Variants in ASCC3 observed in about 807,000 individuals in gnomAD.
ASCC3 encodes the protein ASC-1 complex subunit P200.
A neutral mutation model predicts 256.3 loss-of-function variants in ASCC3; 158 were observed. That is an observed-to-expected ratio of 0.62 (90% CI 0.54 to 0.70). The LOEUF (loss-of-function observed/expected upper bound fraction) is 0.70, where lower values mean the gene tolerates loss of function less well. ASCC3 is among the 30% of genes least tolerant of loss of function. The pLI is 0.00. For synonymous variants in ASCC3, 948 were observed against 883.4 expected, an observed-to-expected ratio of 1.07 and a Z score of -1.30; for missense variants, 2,259 against 2,626.0, an observed-to-expected ratio of 0.86 and a Z score of 3.05.
At chr6:100,840,015 A>C (rs896560752) in intron 4 of ASCC3, among the ~76,000 whole-genome samples, 1 of 152,238 alleles carries the variant, frequency 6.6e-6, no homozygotes, top group East Asian at 1.9e-4. Flanking sequence ...GTCAGCTAAA[A>C]GTAGAACACA....
chr6:100,656,098 C>T (rs1219136911), intron 16 of ASCC3, among the ~76,000 whole-genome samples: 1 of 151,636 alleles, frequency 6.6e-6, no homozygotes, highest in African/African-American at 2.4e-5. Context: ...TTTAATTCTA[C>T]ATAGCATTAA....
intron 36 of ASCC3, among the ~76,000 whole-genome samples, chr6:100,585,676 A>T (rs183351975): frequency 0.036 from 5,182 of 143,758 alleles, 270 homozygotes; most frequent in African/African-American, 0.13. Context: ...GAGTTTCCAG[A>T]TTTTCTGTTC....
intron 30 of ASCC3, among the ~76,000 whole-genome samples, chr6:100,610,974 A>G (rs754247319): frequency 2.0e-5 from 3 of 152,182 alleles, no homozygotes; most frequent in African/African-American, 4.8e-5. Context: ...TTAAACTTAC[A>G]TAAGTATATA....
chr6:100,515,703 A>C (rs1773984937), intron 39 of ASCC3, among the ~76,000 whole-genome samples: 1 of 152,164 alleles, frequency 6.6e-6, no homozygotes, highest in Admixed American at 6.5e-5. Context: ...GATTATAATA[A>C]GAGAGGGGCA....
intron 10 of ASCC3, among the ~76,000 whole-genome samples, chr6:100,735,862 C>T (rs1582782486): frequency 6.6e-6 from 1 of 152,096 alleles, no homozygotes; most frequent in Non-Finnish European, 1.5e-5. Flanking sequence ...CCTTCAGCCC[C>T]TGAGCTTACA....
At chr6:100,539,934 A>T (rs1019335960) in intron 37 of ASCC3, among the ~76,000 whole-genome samples, 2 of 152,164 alleles carry the variant, frequency 1.3e-5, no homozygotes, top group Non-Finnish European at 2.9e-5. Context: ...AGTATCTGGC[A>T]CGTAGTTTGC....
In ASCC3 at chr6:100,516,294, A is replaced by G. The variant is rs374214153; in HGVS notation, c.5961T>C (p.Ala1987=). 3 of 1,613,744 alleles carry G rather than the reference A, an allele frequency of 1.9e-6. No individual in the cohort carries two copies. The Admixed American group carries it at 5.0e-5, about 27-fold the overall frequency. ...GGGACTCGATGGAGGTCCGACCCCT[A>G]GCATGTGGGCCCTTCATAATCGGCT... ...KWKPIMKGPH[A]RGRTSIESLP... The change falls in exon 39 of 42, where the codon GCT becomes GCC. Residue 1987 remains alanine (A), a synonymous_variant. Transcript: ENST00000369162.
At chr6:100,564,880 T>G (rs982449057) in intron 36 of ASCC3, among the ~76,000 whole-genome samples, 1 of 152,154 alleles carries the variant, frequency 6.6e-6, no homozygotes, top group African/African-American at 2.4e-5. Context: ...AAAAGTGCAG[T>G]ACCTGTATAA....
At position 100,606,769 on chromosome 6, in the gene ASCC3, G is replaced by T. The variant is rs998171118; in HGVS notation, c.5015C>A (p.Thr1672Lys). 1 of 1,607,586 alleles carries T rather than the reference G, an allele frequency of 6.2e-7. No homozygotes were observed. The highest frequency in any genetic ancestry group is 8.5e-7 in the Non-Finnish European group (1 of 1,177,760). The change falls in exon 32 of 42, where the codon ACA becomes AAA. Residue 1672 changes from threonine to lysine, a missense_variant. Physicochemically the swap from Thr to Lys is moderately conservative, Grantham distance 78. Around this residue, in one of 2 missense-constraint regions of ASCC3, gnomAD observed 1,839 missense variants for 2,206.7 expected, o/e 0.83. Transcript: ENST00000369162. ...IKGTEYYDGKTRRYVDFPITD... is the reference protein window; with the variant it reads ...IKGTEYYDGKKRRYVDFPITD... ...AATGGGAAAATCCACATAACGTCTT[G>T]TTTTTCCATCATAGTATTCTGTTCC...
intron 10 of ASCC3, among the ~76,000 whole-genome samples, chr6:100,747,136 CA>C (rs34268050): frequency 1.1e-3 from 151 of 140,126 alleles, no homozygotes; most frequent in African/African-American, 3.0e-3. Flanking sequence ...CATATAGTTG[CA>C]AAAAAAAAAA....
In ASCC3 at chr6:100,589,714, A is replaced by G. The variant is rs751087366; in HGVS notation, c.5470T>C (p.Leu1824=). The G allele has an allele frequency of 1.2e-6, 2 of 1,613,714 alleles. No individual in the cohort carries two copies. The highest frequency in any genetic ancestry group is 1.7e-5 in the Admixed American group (1 of 59,990). ...TYGRIASYYY[L]KHQTVKMFKD... ...AACATTTTAACTGTTTGATGCTTCA[A>G]ATAGTAATAGGAGGCAATTCGGCCA... The change falls in exon 36 of 42, where the codon TTG becomes CTG. Residue 1824 remains leucine (L), a synonymous_variant. Transcript: ENST00000369162.
At position 100,516,048 on chromosome 6, in the gene ASCC3, A is replaced by C. The variant is rs113562780; in HGVS notation, c.6075+132T>G. 2.0e-5 allele frequency: 22 copies of C among 1,077,306 alleles called. No homozygotes were observed. In the African/African-American group the frequency reaches 3.0e-4, roughly 15 times the overall value. 66.7% of individuals were successfully genotyped at this position (1,077,306 alleles called of 1,614,324 possible). ...CATCTATGTTTTCATGTTCATAATC[A>C]TAGTAGTAAATGGCAGAGACAATTT... On this transcript the variant is annotated intron_variant, in intron 39 of 41. Transcript: ENST00000369162.
intron 37 of ASCC3, among the ~76,000 whole-genome samples, chr6:100,529,174 T>C (rs936789632): frequency 6.6e-6 from 1 of 151,992 alleles, no homozygotes; most frequent in African/African-American, 2.4e-5. Context: ...GTGTTTATTA[T>C]AGTAAACCTA....
rs1774403414 is a variant in ASCC3 at position 100,629,070 on chromosome 6, A to G, written c.4320T>C (p.Asn1440=). 1 of 1,613,856 alleles carries G rather than the reference A, an allele frequency of 6.2e-7. No individual in the cohort carries two copies. The highest frequency in any genetic ancestry group is 2.2e-5 in the East Asian group (1 of 44,854). ...TAGTGACTTGCTGAACATAGTTCCT[A>G]TTTTGCCAGCTTCTGCTGACTCCAT... ...KWDGVSRSWQ[N]RNYVQQVTIL... The change falls in exon 27 of 42, where the codon AAT becomes AAC. Residue 1440 remains asparagine (N), a synonymous_variant. Transcript: ENST00000369162.
intron 12 of ASCC3, among the ~76,000 whole-genome samples, chr6:100,716,839 C>A (rs1256521413): frequency 1.3e-5 from 2 of 151,884 alleles, no homozygotes; most frequent in African/African-American, 4.8e-5. Flanking sequence ...AGGTGGCTGA[C>A]AAGCATGTGA....
chr6:100,584,837 T>G (rs916035804), intron 36 of ASCC3, among the ~76,000 whole-genome samples: 5 of 152,148 alleles, frequency 3.3e-5, no homozygotes, highest in African/African-American at 1.2e-4. Flanking sequence ...TCTCCTTCAG[T>G]TATGAAGCTT....
At chr6:100,608,070 A>ACATATATATGTATATATCGATATACT (rs1582548186) in intron 30 of ASCC3, among the ~76,000 whole-genome samples, 1 of 114,432 alleles carries the variant, frequency 8.7e-6, no homozygotes, top group Non-Finnish European at 1.7e-5. Context: ...ACATATATAT[A>ACATATATATGTATATATCGATATACT]CATATATATG....
At chr6:100,706,015 A>G (rs1196919204) in intron 13 of ASCC3, among the ~76,000 whole-genome samples, 1 of 151,804 alleles carries the variant, frequency 6.6e-6, no homozygotes, top group Non-Finnish European at 1.5e-5. Flanking sequence ...CTCTCTCTAC[A>G]TATATATACA....
intron 10 of ASCC3, among the ~76,000 whole-genome samples, chr6:100,730,348 A>G (rs1472210259): frequency 7.3e-6 from 1 of 136,140 alleles, no homozygotes; most frequent in Non-Finnish European, 1.6e-5. Context: ...TACCAAGTAT[A>G]TTTTCAAAAT....
Sources: gnomAD v4.1 joint callset for allele counts (sites outside exome capture counted in the v4.1 genomes callset) on GRCh38, gnomAD v4.1.1 for gene constraint, gnomAD v4.1.1 regional missense constraint, MANE v1.5 for transcripts, NCBI Gene and HGNC (gene_info 2026-07-23, HGNC 2026-07-21) for gene names.